MICU1: variants seen among roughly 807,000 people sequenced by gnomAD.
The protein encoded by MICU1 is calcium uptake protein 1, mitochondrial.
Under a neutral mutation model 56.8 loss-of-function variants are expected in MICU1, and 45 were observed. That is an observed-to-expected ratio of 0.79 (90% confidence interval 0.62 to 1.02). The LOEUF (loss-of-function observed/expected upper bound fraction) is 1.02, where lower values mean the gene tolerates loss of function less well. Among genes scored for constraint, MICU1 ranks in the 50% least tolerant of loss-of-function variants. The pLI is 0.00. For missense variants in MICU1, 504 were observed against 587.1 expected (o/e 0.86, Z 1.46); for synonymous variants, 186 against 195.1 (o/e 0.95, Z 0.39).
chr10:72,441,482 C>T (rs747163704), intron 8 of MICU1, among the ~76,000 whole-genome samples: 32 of 148,634 alleles, frequency 2.2e-4, no homozygotes, highest in Non-Finnish European at 3.8e-4. Context: ...TGCAGCAAAC[C>T]AACATGGCAC....
chr10:72,436,493 A>G (rs1342844023), intron 8 of MICU1, among the ~76,000 whole-genome samples: 3 of 152,228 alleles, frequency 2.0e-5, no homozygotes, highest in Non-Finnish European at 4.4e-5. Flanking sequence ...TCTAAAAATC[A>G]GAGCGCATCT....
intron 8 of MICU1, among the ~76,000 whole-genome samples, chr10:72,444,278 C>G (rs957613647): frequency 1.3e-5 from 2 of 151,746 alleles, no homozygotes; most frequent in Admixed American, 6.6e-5. Context: ...TGCTAGATGA[C>G]GAGTTAGTGG....
chr10:72,502,098 T>C (rs892248913), intron 6 of MICU1, among the ~76,000 whole-genome samples: 6 of 152,010 alleles, frequency 3.9e-5, no homozygotes, highest in African/African-American at 1.4e-4. Context: ...TTCTTCAAAA[T>C]GATGGCGATT....
intron 1 of MICU1, among the ~76,000 whole-genome samples, chr10:72,606,343 C>A (rs1464526850): frequency 6.6e-6 from 1 of 151,736 alleles, no homozygotes; most frequent in Non-Finnish European, 1.5e-5. Context: ...GAAACCCCGT[C>A]TCTACTGAAA....
chr10:72,594,216 C>G (rs536945002), intron 1 of MICU1, among the ~76,000 whole-genome samples: 2 of 152,222 alleles, frequency 1.3e-5, no homozygotes, highest in African/African-American at 4.8e-5. Flanking sequence ...CATACGTGGT[C>G]ACATGATTTC....
chr10:72,583,210 T>C (rs908385198), intron 1 of MICU1: 2 of 150,774 alleles, frequency 1.3e-5, no homozygotes, highest in Admixed American at 6.6e-5. Context: ...GGGCTCAACA[T>C]AGGCTTCAAG....
chr10:72,491,795 T>C (rs1866664790), intron 6 of MICU1, among the ~76,000 whole-genome samples: 1 of 151,806 alleles, frequency 6.6e-6, no homozygotes, highest in African/African-American at 2.4e-5. Context: ...ATTCTTTCCT[T>C]TTTTTTTAAT....
chr10:72,431,168 T>C (rs1463473182), intron 8 of MICU1, among the ~76,000 whole-genome samples: 1 of 151,054 alleles, frequency 6.6e-6, no homozygotes, highest in Non-Finnish European at 1.5e-5. Flanking sequence ...TCTTGGTCTG[T>C]CACCCAGGCT....
chr10:72,577,714 C>A (rs1304079448), intron 1 of MICU1, among the ~76,000 whole-genome samples: 1 of 151,948 alleles, frequency 6.6e-6, no homozygotes, highest in Non-Finnish European at 1.5e-5. Flanking sequence ...TTGTAAATTT[C>A]AATTAAAAAA....
Position 72,589,937 on chromosome 10 carries a change from T to G in MICU1, c.-1-23143A>C, listed in dbSNP as rs1168360069. Among the ~76,000 whole-genome samples, 4 of 152,170 alleles carry G rather than the reference T, an allele frequency of 2.6e-5. No individual in the cohort carries two copies. The East Asian group carries it at 7.7e-4, about 29-fold the overall frequency. On this transcript the variant is annotated intron_variant, in intron 1 of 11. Transcript: ENST00000361114. ...TTAGTTTATCACACTGTATTTGGGTTTCAGGCTGCAATACACTAAAACGCC... is the reference window on the plus strand; with the variant it reads ...TTAGTTTATCACACTGTATTTGGGTGTCAGGCTGCAATACACTAAAACGCC...
At position 72,386,213 on chromosome 10, in the gene MICU1, G is replaced by A. The variant is rs142392660; in HGVS notation, c.1181-10341C>T. Among the ~76,000 whole-genome samples, 865 of 152,124 alleles carry A rather than the reference G, an allele frequency of 5.7e-3. 7 individuals are homozygous for A. The highest frequency in any genetic ancestry group is 0.019 in the African/African-American group (796 of 41,482). ...TTTTTTTGGAGGGGGACGGAGTCTC[G>A]CTCTGTCGCCCAGGCTGGAGTACAG... On this transcript the variant is annotated intron_variant, in intron 10 of 11. Transcript: ENST00000361114.
At chr10:72,576,378 A>G (rs1342238603) in intron 1 of MICU1, among the ~76,000 whole-genome samples, 3 of 152,226 alleles carry the variant, frequency 2.0e-5, no homozygotes, top group Non-Finnish European at 4.4e-5. Flanking sequence ...TCCAATGAAC[A>G]TAAGAATAAA....
At chr10:72,555,976 T>C (rs1009348551) in intron 3 of MICU1, among the ~76,000 whole-genome samples, 1 of 152,224 alleles carries the variant, frequency 6.6e-6, no homozygotes, top group Non-Finnish European at 1.5e-5. Context: ...GAGCCCAAGA[T>C]AATGCAAGTG....
At chr10:72,436,158 T>C (rs1434230234) in intron 8 of MICU1, among the ~76,000 whole-genome samples, 1 of 152,164 alleles carries the variant, frequency 6.6e-6, no homozygotes, top group South Asian at 2.1e-4. Flanking sequence ...ACACCTCATA[T>C]AGGCGGCTGC....
At chr10:72,561,996 T>G (rs1401945826) in intron 3 of MICU1, among the ~76,000 whole-genome samples, 2 of 152,154 alleles carry the variant, frequency 1.3e-5, no homozygotes, top group Admixed American at 1.3e-4. Flanking sequence ...AACCTTGACA[T>G]GCAAAATGTC....
rs1255926638 is a variant in MICU1, at chr10:72,595,447, C to CAA, written c.-1-28655_-1-28654dup. 1.0e-3 allele frequency among the ~76,000 whole-genome samples: 41 copies of CAA among 41,046 alleles called. 1 individual carries two copies. Among genetic ancestry groups the CAA allele is most frequent in the African/African-American group, 2.8e-3 (33 of 11,896 alleles). The allele number at this position is 41,046 out of a possible 152,430, so 26.9% of individuals were successfully genotyped here. A position where few individuals can be genotyped will look rare whatever the true frequency, so the allele number is the denominator to read the frequency against. ...AACCTGGGTGACAGAGACTCTGTCT[C>CAA]AAAAAAAAAAAAAAAAAGAAAAAAA... On this transcript the variant is annotated intron_variant, in intron 1 of 11. Coordinates refer to ENST00000361114, the MANE Select transcript of MICU1 (RefSeq NM_001195518.2).
chr10:72,477,093 C>A, intron 7 of MICU1, 81 bp downstream of exon 7: 1 of 1,073,126 alleles, frequency 9.3e-7, no homozygotes, highest in South Asian at 1.8e-5. Context: ...GTATACTGAC[C>A]AAGGCTAAGG....
chr10:72,525,519 T>C (rs982682720), intron 5 of MICU1, among the ~76,000 whole-genome samples: 1 of 152,168 alleles, frequency 6.6e-6, no homozygotes, highest in Non-Finnish European at 1.5e-5. Context: ...CTCTCTTTAG[T>C]TAATGGACTC....
At chr10:72,459,733 C>A (rs1455509056) in intron 8 of MICU1, among the ~76,000 whole-genome samples, 1 of 152,162 alleles carries the variant, frequency 6.6e-6, no homozygotes, top group African/African-American at 2.4e-5. Flanking sequence ...TCTCTAATTC[C>A]ACCCACATCA....
Sources: gnomAD v4.1 joint callset for allele counts (sites outside exome capture counted in the v4.1 genomes callset) on GRCh38, gnomAD v4.1.1 for gene constraint, MANE v1.5 for transcripts, NCBI Gene and HGNC (gene_info 2026-07-23, HGNC 2026-07-21) for gene names.